CELF4: variants seen among roughly 807,000 people sequenced by gnomAD.
The protein encoded by CELF4 is CUGBP Elav-like family member 4.
CELF4 carries 18 observed loss-of-function variants against 59.9 expected under a neutral mutation model. The observed-to-expected ratio is 0.30, with a 90% CI of 0.21 to 0.45. CELF4 has a LOEUF of 0.45. CELF4 is among the 20% of genes least tolerant of loss of function. The probability of loss-of-function intolerance (pLI) is 1.00; values close to 1 mark genes in which losing one functional copy is unlikely to be tolerated. For synonymous variants in CELF4, 261 were observed against 267.1 expected, an observed-to-expected ratio of 0.98 and a Z score of 0.22; for missense variants, 456 against 689.0, an observed-to-expected ratio of 0.66 and a Z score of 3.79.
At chr18:37,286,359 G>A (rs959850919) in intron 3 of CELF4, among the ~76,000 whole-genome samples, 1 of 152,168 alleles carries the variant, frequency 6.6e-6, no homozygotes, top group Non-Finnish European at 1.5e-5. Context: ...GTCGCTGCCT[G>A]CAGACCACCT....
intron 2 of CELF4, among the ~76,000 whole-genome samples, chr18:37,443,411 C>T (rs2099738693): frequency 1.3e-5 from 2 of 152,144 alleles, no homozygotes; most frequent in African/African-American, 4.8e-5. Context: ...CACACTCCCT[C>T]TGCATAAAGG....
At chr18:37,490,055 CTG>C (rs367978364) in intron 1 of CELF4, among the ~76,000 whole-genome samples, 72 of 152,262 alleles carry the variant, frequency 4.7e-4, no homozygotes, top group African/African-American at 1.6e-3. Context: ...CATTTTTAAA[CTG>C]TGAATACTCA....
intron 1 of CELF4, among the ~76,000 whole-genome samples, chr18:37,520,002 A>T (rs2099955450): frequency 6.6e-6 from 1 of 152,102 alleles, no homozygotes; most frequent in Admixed American, 6.5e-5. Flanking sequence ...GTTGTCACTT[A>T]GGCACCAGGA....
At chr18:37,278,515 C>T (rs528984729) in intron 3 of CELF4, among the ~76,000 whole-genome samples, 13 of 152,282 alleles carry the variant, frequency 8.5e-5, no homozygotes, top group Admixed American at 2.0e-4. Flanking sequence ...CTCCCCCTCC[C>T]GCTCCCCTGC....
At chr18:37,450,170 A>G (rs868078245) in intron 2 of CELF4, among the ~76,000 whole-genome samples, 2 of 152,084 alleles carry the variant, frequency 1.3e-5, no homozygotes, top group Non-Finnish European at 2.9e-5. Flanking sequence ...GTGGGAGGGT[A>G]CAAGTTTGTA....
At chr18:37,479,311 G>A (rs1456221014) in intron 2 of CELF4, among the ~76,000 whole-genome samples, 1 of 152,220 alleles carries the variant, frequency 6.6e-6, no homozygotes, top group African/African-American at 2.4e-5. Context: ...GGAACGCTCT[G>A]CCCCAGGGCC....
intron 1 of CELF4, among the ~76,000 whole-genome samples, chr18:37,548,649 A>G (rs993549766): frequency 3.9e-5 from 6 of 152,084 alleles, no homozygotes; most frequent in Admixed American, 3.3e-4. Context: ...GGACATTTTA[A>G]CTTTTGCACC....
intron 1 of CELF4, among the ~76,000 whole-genome samples, chr18:37,536,627 G>C (rs2099973735): frequency 6.6e-6 from 1 of 152,184 alleles, no homozygotes; most frequent in South Asian, 2.1e-4. Flanking sequence ...GATGCAGATA[G>C]GGAGTGGGGG....
chr18:37,382,804 C>G (rs765881714), intron 2 of CELF4, among the ~76,000 whole-genome samples: 5 of 152,108 alleles, frequency 3.3e-5, no homozygotes, highest in Non-Finnish European at 7.4e-5. Context: ...AAAGCCCACT[C>G]TAGGGCTATT....
intron 2 of CELF4, among the ~76,000 whole-genome samples, chr18:37,457,853 G>T (rs1210142273): frequency 6.6e-6 from 1 of 152,090 alleles, no homozygotes; most frequent in Non-Finnish European, 1.5e-5. Flanking sequence ...TCCTCCTCCA[G>T]TCCTTTCTAG....
At chr18:37,278,579 A>G (rs1478253410) in intron 3 of CELF4, among the ~76,000 whole-genome samples, 2 of 152,164 alleles carry the variant, frequency 1.3e-5, no homozygotes, top group Non-Finnish European at 2.9e-5. Flanking sequence ...TGCTCTTGTC[A>G]TGGTGGTGGC....
intron 1 of CELF4, among the ~76,000 whole-genome samples, chr18:37,530,027 C>T (rs576924773): frequency 6.6e-6 from 1 of 152,292 alleles, no homozygotes; most frequent in South Asian, 2.1e-4. Flanking sequence ...GTTACATCAG[C>T]GTTGGAGCAC....
intron 2 of CELF4, among the ~76,000 whole-genome samples, chr18:37,362,490 G>T (rs1374990336): frequency 1.3e-5 from 2 of 152,132 alleles, no homozygotes; most frequent in African/African-American, 4.8e-5. Flanking sequence ...ACGAGGACAG[G>T]GTTGGGGGGC....
intron 2 of CELF4, among the ~76,000 whole-genome samples, chr18:37,431,361 C>CCT (rs1251757254): frequency 7.3e-5 from 10 of 137,646 alleles, no homozygotes; most frequent in African/African-American, 1.9e-4. Flanking sequence ...TCCTTTCTTT[C>CCT]CTTTTTTTTT....
Position 37,515,296 on chromosome 18 carries a change from T to C in CELF4, c.287-29689A>G, listed in dbSNP as rs530662457. Among the ~76,000 whole-genome samples, 3 of 152,304 alleles carry C rather than the reference T, an allele frequency of 2.0e-5. No homozygotes were observed. The South Asian group carries it at 6.2e-4, about 32-fold the overall frequency. On this transcript the variant is annotated intron_variant, in intron 1 of 12. Transcript: ENST00000420428. ...CTTATTCCCTTTTCTGTTTTTGCTT[T>C]TCATCCCTCCCTGGTGCAACAAGTT...
chr18:37,327,734 C>A (rs749889015), intron 2 of CELF4, among the ~76,000 whole-genome samples: 9 of 152,186 alleles, frequency 5.9e-5, no homozygotes, highest in Non-Finnish European at 1.3e-4. Context: ...GCTGTCACTG[C>A]CCATGGGATC....
intron 2 of CELF4, among the ~76,000 whole-genome samples, chr18:37,432,147 C>T (rs2099670838): frequency 2.0e-5 from 3 of 152,220 alleles, no homozygotes; most frequent in Admixed American, 1.3e-4. Flanking sequence ...GGTCCTTAGC[C>T]TCCAGATCAA....
chr18:37,265,680 AG>A (rs2077193941), intron 9 of CELF4, among the ~76,000 whole-genome samples: 1 of 152,128 alleles, frequency 6.6e-6, no homozygotes, highest in African/African-American at 2.4e-5. Context: ...TGGCTCCCAT[AG>A]CAACAGAGCC....
chr18:37,245,833 G>A lies in CELF4; in HGVS notation c.*45-636C>T, dbSNP rs2061869969. ...TACATGGATATGTGTGTATGTATAT[G>A]CATATATACACACATACACACACAT... is the stretch of plus-strand genomic sequence containing the variant. On this transcript the variant is annotated intron_variant, in intron 12 of 12. Transcript: ENST00000420428. This position sits in a 1 kb window ranked among gnomAD's most constrained non-coding sequence, Gnocchi z 4.1. 6.6e-6 allele frequency among the ~76,000 whole-genome samples: 1 copy of A among 152,248 alleles called. No individual in the cohort carries two copies. The highest frequency in any genetic ancestry group is 2.4e-5 in the African/African-American group (1 of 41,540).
Sources: gnomAD v4.1 joint callset for allele counts (sites outside exome capture counted in the v4.1 genomes callset) on GRCh38, gnomAD v4.1.1 for gene constraint, Gnocchi (gnomAD v3.1) non-coding constraint, MANE v1.5 for transcripts, NCBI Gene and HGNC (gene_info 2026-07-23, HGNC 2026-07-21) for gene names.